The following GPR107 variants were observed in gnomAD, a reference collection of about 807,000 sequenced individuals.
The protein encoded by GPR107 is G protein-coupled receptor 107, also known as protein GPR107.
Under a neutral mutation model 75.5 loss-of-function variants are expected in GPR107, and 31 were observed. That is an observed-to-expected ratio of 0.41 (90% CI 0.31 to 0.55). The LOEUF (loss-of-function observed/expected upper bound fraction) is 0.55, where lower values mean the gene tolerates loss of function less well. Among genes scored for constraint, GPR107 ranks in the 20% least tolerant of loss-of-function variants. The probability of loss-of-function intolerance (pLI) is 0.26; values close to 1 mark genes in which losing one functional copy is unlikely to be tolerated. For synonymous variants in GPR107, 267 were observed against 251.3 expected (o/e 1.06, Z -0.59); for missense variants, 572 against 665.7 (o/e 0.86, Z 1.55).
At chr9:130,070,789 C>G (rs1380833573) in intron 1 of GPR107, among the ~76,000 whole-genome samples, 1 of 151,790 alleles carries the variant, frequency 6.6e-6, no homozygotes, top group East Asian at 1.9e-4. Flanking sequence ...GTAATCATAG[C>G]TCACAGTAGC....
chr9:130,070,779 G>A (rs1247128052), intron 1 of GPR107, among the ~76,000 whole-genome samples: 5 of 151,856 alleles, frequency 3.3e-5, no homozygotes, highest in African/African-American at 9.7e-5. Flanking sequence ...GTGCAGTGGT[G>A]TAATCATAGC....
intron 13 of GPR107, 98 bp from the exon 14 acceptor site, chr9:130,107,398 T>C: frequency 2.6e-6 from 2 of 776,068 alleles, no homozygotes; most frequent in East Asian, 2.5e-5. Context: ...CCTTTCAGCA[T>C]GTAATTGAGA....
At chr9:130,125,845 C>A (rs552518419) in intron 15 of GPR107, among the ~76,000 whole-genome samples, 10 of 151,888 alleles carry the variant, frequency 6.6e-5, no homozygotes, top group African/African-American at 2.2e-4. Context: ...GTCAGGAGAT[C>A]GAGACCATCC....
intron 1 of GPR107, among the ~76,000 whole-genome samples, chr9:130,057,501 TA>T (rs5900883): frequency 0.24 from 32,496 of 134,810 alleles, 3,803 homozygotes; most frequent in Non-Finnish European, 0.28. Flanking sequence ...CCCTATTTCT[TA>T]AAAAAAAAAA....
rs530749771 is a variant in GPR107, at chr9:130,054,168, G to A, written c.141+95G>A. 3 of 1,188,210 alleles carry A rather than the reference G, an allele frequency of 2.5e-6. No individual in the cohort carries two copies. In the African/African-American group the frequency reaches 4.7e-5, roughly 19 times the overall value. 73.6% of individuals were successfully genotyped at this position (1,188,210 alleles called of 1,614,324 possible). On this transcript the variant is annotated intron_variant, in intron 1 of 17. Transcript: ENST00000347136. ...GCCCATTGGGGACCTCTGAGCCACT[G>A]GACCACCTCTTTGCCCCTGGCTGCG...
intron 14 of GPR107, among the ~76,000 whole-genome samples, chr9:130,115,601 C>A (rs1040426412): frequency 1.3e-5 from 2 of 151,810 alleles, no homozygotes; most frequent in Non-Finnish European, 2.9e-5. Context: ...CCCATCTCTA[C>A]TAAAAATACA....
intron 7 of GPR107, among the ~76,000 whole-genome samples, chr9:130,089,687 C>G (rs1830690147): frequency 1.3e-5 from 2 of 152,104 alleles, no homozygotes; most frequent in East Asian, 3.8e-4. Flanking sequence ...TAGACTTCCC[C>G]TGAATCTTTT....
chr9:130,094,314 G>A (rs58826614), intron 9 of GPR107, among the ~76,000 whole-genome samples: 1 of 152,146 alleles, frequency 6.6e-6, no homozygotes, highest in Non-Finnish European at 1.5e-5. Context: ...CGTGGTGGCA[G>A]GTGCCTATAG....
In GPR107 at chr9:130,136,108, C is replaced by A. The variant is rs901330564; in HGVS notation, c.*987C>A. ...AAATCATCCCCATTAAAAAGCTTTTCCTGTAGGCTAGTAGGATTTCTAAAT... is the reference window on the plus strand; with the variant it reads ...AAATCATCCCCATTAAAAAGCTTTTACTGTAGGCTAGTAGGATTTCTAAAT... On this transcript the variant is annotated 3_prime_UTR_variant, in exon 18 of 18. Coordinates refer to ENST00000347136, the MANE Select transcript of GPR107 (RefSeq NM_020960.5). 1 of 152,140 alleles carries A rather than the reference C, an allele frequency of 6.6e-6. No homozygotes were observed. Among genetic ancestry groups the A allele is most frequent in the Non-Finnish European group, 1.5e-5 (1 of 68,026 alleles). The allele number at this position is 152,140 out of a possible 1,614,324, so 9.4% of individuals were successfully genotyped here.
At position 130,128,721 on chromosome 9, in the gene GPR107, C is replaced by A; in HGVS notation, c.1522C>A (p.Gln508Lys). 2.5e-6 allele frequency: 4 copies of A among 1,612,634 alleles called. No individual in the cohort carries two copies. The highest frequency in any genetic ancestry group is 3.4e-6 in the Non-Finnish European group (4 of 1,178,594). ...TCCGGCTTCAGATAACCCCTACCTA[C>A]AACTTTCTCAGGAAGAAGAAGACTT... is the stretch of plus-strand genomic sequence containing the variant. ...FRPASDNPYLQLSQEEEDLEM... is the reference protein window; with the variant it reads ...FRPASDNPYLKLSQEEEDLEM... Residue 508 changes from glutamine to lysine, a missense_variant, in exon 17 of 18, where the codon CAA (glutamine) becomes AAA (lysine). Gln to Lys is a moderately conservative substitution (Grantham distance 53). Coordinates refer to ENST00000347136, the MANE Select transcript of GPR107 (RefSeq NM_020960.5).
intron 14 of GPR107, among the ~76,000 whole-genome samples, chr9:130,111,205 C>T (rs1831291304): frequency 1.3e-5 from 2 of 152,078 alleles, no homozygotes; most frequent in South Asian, 4.1e-4. Context: ...GTGGCTTAGG[C>T]CTGTAATGCT....
chr9:130,071,847 G>A (rs779428267), intron 1 of GPR107, among the ~76,000 whole-genome samples: 1 of 151,868 alleles, frequency 6.6e-6, no homozygotes, highest in Non-Finnish European at 1.5e-5. Context: ...AGCAAGCCTG[G>A]CTTATTTTTG....
At chr9:130,057,325 C>CA (rs1208519760) in intron 1 of GPR107, among the ~76,000 whole-genome samples, 1 of 151,926 alleles carries the variant, frequency 6.6e-6, no homozygotes, top group African/African-American at 2.4e-5. Context: ...GCCTGGGCGA[C>CA]AGAGCAAGAC....
rs1161163790 is a variant in GPR107, at chr9:130,119,629, AC to A, written c.1307-5280del. 4.0e-5 allele frequency among the ~76,000 whole-genome samples: 6 copies of A among 151,200 alleles called. No homozygotes were observed. The South Asian group carries it at 8.4e-4, about 21-fold the overall frequency. On this transcript the variant is annotated intron_variant, in intron 14 of 17. Coordinates refer to ENST00000347136, the MANE Select transcript of GPR107 (RefSeq NM_020960.5). ...CAGTCGTGCAGGGCCCAGACTTTTA[AC>A]CCCCCTGCTCTCCTTTTTCTTACTC...
chr9:130,082,818 T>G (rs894112426), intron 5 of GPR107, among the ~76,000 whole-genome samples: 1 of 151,744 alleles, frequency 6.6e-6, no homozygotes, highest in African/African-American at 2.4e-5. Context: ...AGATGCCCAC[T>G]CTGTTCCATG....
chr9:130,069,013 T>C (rs780486889), intron 1 of GPR107, among the ~76,000 whole-genome samples: 7 of 152,162 alleles, frequency 4.6e-5, no homozygotes, highest in African/African-American at 7.2e-5. Flanking sequence ...GTGCTGGGAT[T>C]ACAGGTGTGA....
chr9:130,074,953 G>T (rs888092762), intron 1 of GPR107, among the ~76,000 whole-genome samples: 1 of 150,320 alleles, frequency 6.7e-6, no homozygotes, highest in African/African-American at 2.5e-5. Flanking sequence ...GTACTATCAG[G>T]AAGGATGTGG....
At chr9:130,064,386 G>C (rs1409785335) in intron 1 of GPR107, among the ~76,000 whole-genome samples, 1 of 147,960 alleles carries the variant, frequency 6.8e-6, no homozygotes, top group Non-Finnish European at 1.5e-5. Flanking sequence ...TTTTTTAGTA[G>C]AGACGGGGTT....
At chr9:130,062,612 GCCTGCCTGCCTTCCTGCCTT>G (rs1359218798) in intron 1 of GPR107, among the ~76,000 whole-genome samples, 2 of 122,788 alleles carry the variant, frequency 1.6e-5, no homozygotes, top group African/African-American at 6.9e-5. Flanking sequence ...CTGCCTGCCT[GCCTGCCTGCCTTCCTGCCTT>G]CCTGCCTGCC....
Sources: allele counts gnomAD v4.1 joint callset (sites outside exome capture counted in the v4.1 genomes callset), GRCh38; gene constraint gnomAD v4.1.1; transcripts MANE v1.5; gene names NCBI Gene and HGNC (gene_info 2026-07-23, HGNC 2026-07-21).